The following CTNNA2 variants were observed in gnomAD, a reference collection of about 807,000 sequenced individuals.
The protein encoded by CTNNA2 is catenin alpha-2.
CTNNA2 carries 42 observed loss-of-function variants against 101.0 expected under a neutral mutation model. The observed-to-expected ratio is 0.42, with a 90% confidence interval of 0.32 to 0.54. The LOEUF (loss-of-function observed/expected upper bound fraction) is 0.54. Ranked by LOEUF, CTNNA2 falls within the 20% of genes least tolerant of loss-of-function variation. The probability of loss-of-function intolerance (pLI) is 0.14; values close to 1 mark genes in which losing one functional copy is unlikely to be tolerated. For missense variants in CTNNA2, 871 were observed against 1,223.1 expected (o/e 0.71, Z 4.29); for synonymous variants, 450 against 456.4 (o/e 0.99, Z 0.18).
At chr2:80,570,044 T>C (rs1694440022) in intron 12 of CTNNA2, among the ~76,000 whole-genome samples, 1 of 152,102 alleles carries the variant, frequency 6.6e-6, no homozygotes, top group Admixed American at 6.5e-5. Context: ...TTTGTTTTTA[T>C]GTCTCATCAC....
chr2:80,122,342 CTT>C (rs772900525), intron 7 of CTNNA2, among the ~76,000 whole-genome samples: 21 of 151,584 alleles, frequency 1.4e-4, no homozygotes, highest in Admixed American at 5.3e-4. Context: ...GTCTCTGTCT[CTT>C]TCTCTCTCTC....
chr2:79,822,617 C>T (rs1371072310), intron 3 of CTNNA2, among the ~76,000 whole-genome samples: 1 of 152,114 alleles, frequency 6.6e-6, no homozygotes, highest in Admixed American at 6.6e-5. Flanking sequence ...ATCATTCTGC[C>T]TTTTTCTACC....
intron 2 of CTNNA2, among the ~76,000 whole-genome samples, chr2:79,660,563 A>G (rs1036789218): frequency 6.6e-6 from 1 of 152,136 alleles, no homozygotes; most frequent in Non-Finnish European, 1.5e-5. Context: ...TACAGTAGGT[A>G]TGTATACCCA....
intron 7 of CTNNA2, among the ~76,000 whole-genome samples, chr2:80,314,487 T>C (rs1677911465): frequency 1.3e-5 from 2 of 152,152 alleles, no homozygotes; most frequent in African/African-American, 4.8e-5. Context: ...CCCTAGTCCA[T>C]AGCAAGCAGC....
intron 4 of CTNNA2, among the ~76,000 whole-genome samples, chr2:79,423,653 G>C (rs947692523): frequency 1.3e-5 from 2 of 152,140 alleles, no homozygotes; most frequent in African/African-American, 4.8e-5. Flanking sequence ...CCACTTTATA[G>C]ATTGTTTATT....
rs144370661 is a variant in CTNNA2, at chr2:79,846,937, A to T, written c.299-11076A>T. ...ATTAGAAATATCTTTTTATATGTACATGTTAATTGGCTTAAAAAGTAGTGT... is the reference window on the plus strand; with the variant it reads ...ATTAGAAATATCTTTTTATATGTACTTGTTAATTGGCTTAAAAAGTAGTGT... On this transcript the variant is annotated intron_variant, in intron 3 of 18. Coordinates refer to ENST00000402739, the MANE Select transcript of CTNNA2 (RefSeq NM_001282597.3). Among the ~76,000 whole-genome samples, 265 of 152,360 alleles carry T rather than the reference A, an allele frequency of 1.7e-3. 1 individual carries two copies. Among genetic ancestry groups the T allele is most frequent in the African/African-American group, 6.1e-3 (252 of 41,592 alleles).
At chr2:80,173,507 A>T (rs2148966563) in intron 7 of CTNNA2, among the ~76,000 whole-genome samples, 1 of 152,308 alleles carries the variant, frequency 6.6e-6, no homozygotes, top group Non-Finnish European at 1.5e-5. Flanking sequence ...TCTAAATAAG[A>T]CCTTAGAACT....
chr2:79,564,126 G>A (rs1674961676), intron 1 of CTNNA2, among the ~76,000 whole-genome samples: 3 of 152,204 alleles, frequency 2.0e-5, no homozygotes, highest in African/African-American at 7.2e-5. Context: ...GAATGCAGCT[G>A]CCTTCGTTAC....
intron 7 of CTNNA2, among the ~76,000 whole-genome samples, chr2:80,276,821 C>G (rs1342674996): frequency 6.6e-6 from 1 of 152,090 alleles, no homozygotes; most frequent in African/African-American, 2.4e-5. Flanking sequence ...CCAAACACCC[C>G]CAGTTAGGCC....
chr2:79,678,246 G>T (rs182425517), intron 2 of CTNNA2, among the ~76,000 whole-genome samples: 2 of 152,192 alleles, frequency 1.3e-5, no homozygotes, highest in Admixed American at 6.5e-5. Context: ...TAAGGTAAAA[G>T]GTCTCTATCC....
chr2:79,269,406 T>C (rs1380289213), intron 2 of CTNNA2, among the ~76,000 whole-genome samples: 2 of 152,056 alleles, frequency 1.3e-5, no homozygotes, highest in African/African-American at 4.8e-5. Context: ...ACCCAAAAGA[T>C]TTCCAAGGGT....
At position 79,635,267 on chromosome 2, in the gene CTNNA2, T is replaced by TA. The variant is rs550484634; in HGVS notation, c.-5-16279dup. Reference sequence around the variant, plus strand: ...TAACACGGTGAAACCCCGTCTCTACTAAAAAATACAAAAAATTAGCCGGGC... The same window carrying TA: ...TAACACGGTGAAACCCCGTCTCTACTAAAAAAATACAAAAAATTAGCCGGGC... On this transcript the variant is annotated intron_variant, in intron 1 of 18. Coordinates refer to ENST00000402739, the MANE Select transcript of CTNNA2 (RefSeq NM_001282597.3). Among the ~76,000 whole-genome samples the TA allele has an allele frequency of 5.9e-5, 9 of 151,734 alleles. No individual in the cohort carries two copies. In the South Asian group the frequency reaches 1.9e-3, roughly 32 times the overall value.
At chr2:79,217,762 C>G (rs1674285390) in intron 2 of CTNNA2, among the ~76,000 whole-genome samples, 1 of 152,172 alleles carries the variant, frequency 6.6e-6, no homozygotes, top group Non-Finnish European at 1.5e-5. Flanking sequence ...TACAGCTACA[C>G]AAATTGAAAA....
intron 12 of CTNNA2, among the ~76,000 whole-genome samples, chr2:80,563,608 T>C (rs1693797705): frequency 6.6e-6 from 1 of 152,110 alleles, no homozygotes; most frequent in South Asian, 2.1e-4. Context: ...ACTCCTAGCC[T>C]CATGTGATTC....
intron 7 of CTNNA2, among the ~76,000 whole-genome samples, chr2:80,334,229 C>G (rs1671589674): frequency 6.6e-6 from 1 of 152,218 alleles, no homozygotes; most frequent in Non-Finnish European, 1.5e-5. Flanking sequence ...CTCGTCCACT[C>G]TTGCATCTGT....
chr2:79,523,572 A>G (rs905720002), intron 1 of CTNNA2, among the ~76,000 whole-genome samples: 5 of 152,108 alleles, frequency 3.3e-5, no homozygotes, highest in African/African-American at 1.2e-4. Flanking sequence ...ATCCTTATAC[A>G]GGTTTATTGT....
chr2:79,436,892 A>G (rs1678722611), intron 4 of CTNNA2, among the ~76,000 whole-genome samples: 1 of 151,878 alleles, frequency 6.6e-6, no homozygotes, highest in African/African-American at 2.4e-5. Context: ...CGGCCTCCCA[A>G]AGTGCTGGGA....
intron 7 of CTNNA2, among the ~76,000 whole-genome samples, chr2:80,108,963 G>A (rs1701048377): frequency 6.6e-6 from 1 of 152,110 alleles, no homozygotes; most frequent in Non-Finnish European, 1.5e-5. Context: ...GGATTCATGT[G>A]TGACCCCATA....
intron 11 of CTNNA2, among the ~76,000 whole-genome samples, chr2:80,554,556 T>C (rs1478040439): frequency 6.6e-6 from 1 of 152,088 alleles, no homozygotes; most frequent in African/African-American, 2.4e-5. Context: ...GGAACCTTGA[T>C]AGGAAGAGGA....
Sources: gnomAD v4.1 joint callset for allele counts (sites outside exome capture counted in the v4.1 genomes callset) on GRCh38, gnomAD v4.1.1 for gene constraint, MANE v1.5 for transcripts, NCBI Gene and HGNC (gene_info 2026-07-23, HGNC 2026-07-21) for gene names.